Variants in SDK1 observed in about 807,000 individuals in gnomAD.
The protein encoded by SDK1 is sidekick cell adhesion molecule 1.
SDK1 carries 157 observed loss-of-function variants against 245.5 expected under a neutral mutation model. That is an observed-to-expected ratio of 0.64 (90% CI 0.56 to 0.73). The LOEUF is 0.73. SDK1 is among the 30% of genes least tolerant of loss of function. SDK1 has a pLI of 0.00. For missense variants in SDK1, 3,583 were observed against 3,002.3 expected (o/e 1.19, Z -4.52); for synonymous variants, 1,647 against 1,278.5 (o/e 1.29, Z -6.15).
intron 1 of SDK1, among the ~76,000 whole-genome samples, chr7:3,406,200 T>G (rs1039668749): frequency 2.6e-5 from 4 of 152,212 alleles, no homozygotes; most frequent in African/African-American, 9.7e-5. Flanking sequence ...TCCTATGCAT[T>G]CAAAATGTGA....
intron 4 of SDK1, among the ~76,000 whole-genome samples, chr7:3,722,259 C>T (rs561819518): frequency 3.3e-5 from 5 of 152,182 alleles, no homozygotes; most frequent in South Asian, 2.1e-4. Flanking sequence ...AGGGGAGACT[C>T]GGAGACCACG....
chr7:4,137,751 C>T (rs530865649), intron 28 of SDK1, among the ~76,000 whole-genome samples: 10 of 152,370 alleles, frequency 6.6e-5, no homozygotes, highest in Non-Finnish European at 1.3e-4. Flanking sequence ...CACACGCCGC[C>T]GTCTTCTGGC....
chr7:3,395,829 ATC>A (rs796514119), intron 1 of SDK1, among the ~76,000 whole-genome samples: 15 of 151,908 alleles, frequency 9.9e-5, no homozygotes, highest in African/African-American at 3.4e-4. Context: ...AGTGGTAATC[ATC>A]TCTCTTTCAT....
chr7:3,848,445 C>T (rs1780335456), intron 5 of SDK1, among the ~76,000 whole-genome samples: 1 of 152,074 alleles, frequency 6.6e-6, no homozygotes, highest in Admixed American at 6.6e-5. Flanking sequence ...GGAGGGTGAT[C>T]GTGAAAGGGA....
intron 4 of SDK1, among the ~76,000 whole-genome samples, chr7:3,809,758 G>T (rs917205627): frequency 6.6e-6 from 1 of 152,196 alleles, no homozygotes; most frequent in Non-Finnish European, 1.5e-5. Flanking sequence ...GCAGCATCAC[G>T]TGGAGCGAGG....
intron 5 of SDK1, among the ~76,000 whole-genome samples, chr7:3,932,573 T>A (rs974718693): frequency 4.6e-5 from 7 of 152,198 alleles, no homozygotes; most frequent in Admixed American, 4.6e-4. Context: ...AATATTTTCT[T>A]CTCTGAAGAC....
intron 1 of SDK1, among the ~76,000 whole-genome samples, chr7:3,441,351 G>C (rs1025110811): frequency 6.6e-6 from 1 of 151,878 alleles, no homozygotes; most frequent in Non-Finnish European, 1.5e-5. Flanking sequence ...GAGGACTCTT[G>C]TACATCATGA....
chr7:3,548,158 A>G (rs559880896), intron 1 of SDK1, among the ~76,000 whole-genome samples: 5 of 152,354 alleles, frequency 3.3e-5, no homozygotes, highest in Admixed American at 3.3e-4. Flanking sequence ...CATCAGTTGA[A>G]TAGATTAGAG....
intron 1 of SDK1, among the ~76,000 whole-genome samples, chr7:3,323,958 C>G (rs117956706): frequency 6.6e-6 from 1 of 152,114 alleles, no homozygotes; most frequent in South Asian, 2.1e-4. Flanking sequence ...TTACCTATGT[C>G]CATTTCTTTA....
Position 4,113,325 on chromosome 7 carries a change from C to T in SDK1, c.3471C>T (p.Ser1157=), listed in dbSNP as rs1483444633. ...AGCAAGTGAACATTGTTGGGCCGAG[C>T]CCCTACAGTCCGTCTTCCCGGGTCA... is the stretch of plus-strand genomic sequence containing the variant. ...RMKQVNIVGP[S]PYSPSSRVIQ... The change falls in exon 24 of 45, where the codon AGC becomes AGT. Residue 1157 remains serine (S), a synonymous_variant. Transcript: ENST00000404826. 2 of 1,614,000 alleles carry T rather than the reference C, an allele frequency of 1.2e-6. No individual in the cohort carries two copies. Among genetic ancestry groups the T allele is most frequent in the African/African-American group, 1.3e-5 (1 of 75,060 alleles).
intron 4 of SDK1, among the ~76,000 whole-genome samples, chr7:3,675,526 C>A (rs1053957341): frequency 6.6e-6 from 1 of 151,532 alleles, no homozygotes; most frequent in African/African-American, 2.4e-5. Context: ...ACATAATATG[C>A]TCCCCATTAC....
At chr7:4,258,834 TAATG>T (rs1787787314) in intron 44 of SDK1, among the ~76,000 whole-genome samples, 1 of 152,218 alleles carries the variant, frequency 6.6e-6, no homozygotes, top group Non-Finnish European at 1.5e-5. Context: ...CTTCAGATGA[TAATG>T]AACCCTAACC....
intron 1 of SDK1, among the ~76,000 whole-genome samples, chr7:3,564,622 A>T (rs1248924495): frequency 1.3e-5 from 2 of 152,186 alleles, no homozygotes; most frequent in African/African-American, 2.4e-5. Flanking sequence ...AAATAAAATG[A>T]ATAAATTCTC....
intron 4 of SDK1, among the ~76,000 whole-genome samples, chr7:3,717,656 A>G (rs1785242266): frequency 6.6e-6 from 1 of 152,228 alleles, no homozygotes; most frequent in Non-Finnish European, 1.5e-5. Context: ...ATGCCCATAA[A>G]GTTGAAAACT....
At chr7:3,399,239 A>T (rs1235180782) in intron 1 of SDK1, among the ~76,000 whole-genome samples, 2 of 151,232 alleles carry the variant, frequency 1.3e-5, no homozygotes, top group Non-Finnish European at 2.9e-5. Flanking sequence ...TCAGCTGTGG[A>T]CTCCTTACAT....
intron 1 of SDK1, among the ~76,000 whole-genome samples, chr7:3,470,998 A>G (rs561250758): frequency 1.6e-4 from 24 of 152,316 alleles, no homozygotes; most frequent in Middle Eastern, 3.4e-3. Context: ...TCCTCCTTAT[A>G]AACACCCCAA....
At chr7:4,247,031 T>A (rs1786914144) in intron 44 of SDK1, among the ~76,000 whole-genome samples, 2 of 152,196 alleles carry the variant, frequency 1.3e-5, no homozygotes, top group South Asian at 4.1e-4. Context: ...GGTTGCCCCT[T>A]GGGTCCTGAA....
intron 1 of SDK1, among the ~76,000 whole-genome samples, chr7:3,361,721 G>C (rs774615429): frequency 1.3e-5 from 2 of 152,022 alleles, no homozygotes; most frequent in African/African-American, 2.4e-5. Flanking sequence ...CACGAAATAG[G>C]GCATTTATTG....
At chr7:3,964,045 C>G (rs927181192) in intron 9 of SDK1, among the ~76,000 whole-genome samples, 2 of 152,278 alleles carry the variant, frequency 1.3e-5, no homozygotes, top group African/African-American at 2.4e-5. Context: ...CTGGATGTAT[C>G]CAGTGGGTAC....
Sources: gnomAD v4.1 joint callset for allele counts (sites outside exome capture counted in the v4.1 genomes callset) on GRCh38, gnomAD v4.1.1 for gene constraint, MANE v1.5 for transcripts, NCBI Gene and HGNC (gene_info 2026-07-23, HGNC 2026-07-21) for gene names.